FARS2: variants seen among roughly 807,000 people sequenced by gnomAD.
The protein encoded by FARS2 is phenylalanine--tRNA ligase, mitochondrial.
Under a neutral mutation model 46.4 loss-of-function variants are expected in FARS2, and 40 were observed. The observed-to-expected ratio is 0.86, with a 90% CI of 0.67 to 1.12. The LOEUF (loss-of-function observed/expected upper bound fraction) is 1.12, where lower values mean the gene tolerates loss of function less well. FARS2 is among the 50% of genes most tolerant of loss of function. The pLI is 0.00. For missense variants in FARS2, 513 were observed against 567.9 expected (o/e 0.90, Z 0.98); for synonymous variants, 234 against 214.9 (o/e 1.09, Z -0.78).
At chr6:5,577,053 T>C (rs763487874) in intron 5 of FARS2, among the ~76,000 whole-genome samples, 1 of 148,452 alleles carries the variant, frequency 6.7e-6, no homozygotes, top group Non-Finnish European at 1.5e-5. Context: ...AGACATTTCA[T>C]GTATATAAAT....
chr6:5,584,254 C>T (rs1327405654), intron 5 of FARS2, among the ~76,000 whole-genome samples: 2 of 152,100 alleles, frequency 1.3e-5, no homozygotes, highest in African/African-American at 4.8e-5. Flanking sequence ...CTACACTCTT[C>T]CTTTTAGTTT....
At chr6:5,534,164 T>C (rs528693588) in intron 4 of FARS2, among the ~76,000 whole-genome samples, 1 of 152,280 alleles carries the variant, frequency 6.6e-6, no homozygotes, top group Admixed American at 6.5e-5. Flanking sequence ...GATGTGGTGA[T>C]GAGAAAAAAT....
chr6:5,250,990 C>A, the FARS2 span, among the ~76,000 whole-genome samples: 1 of 152,178 alleles, frequency 6.6e-6, no homozygotes, highest in Non-Finnish European at 1.5e-5. Flanking sequence ...GTCTCCTCAG[C>A]CCCAGTACAT....
At chr6:5,307,393 G>A (rs531359773) in intron 1 of FARS2, among the ~76,000 whole-genome samples, 110 of 152,194 alleles carry the variant, frequency 7.2e-4, no homozygotes, top group African/African-American at 2.5e-3. Flanking sequence ...GGCTTTTTGT[G>A]CATTAGTTCT....
chr6:5,252,536 C>T, the FARS2 span, among the ~76,000 whole-genome samples: 6 of 152,216 alleles, frequency 3.9e-5, no homozygotes, highest in South Asian at 1.0e-3. Context: ...GCTCTTCCAT[C>T]GCATGTCCAC....
At chr6:5,481,977 G>C (rs141248585) in intron 4 of FARS2, among the ~76,000 whole-genome samples, 162 of 152,308 alleles carry the variant, frequency 1.1e-3, no homozygotes, top group Non-Finnish European at 1.8e-3. Flanking sequence ...GTTCATCAGA[G>C]GCTTTCTTGA....
At chr6:5,359,655 T>C (rs1172761184) in intron 1 of FARS2, among the ~76,000 whole-genome samples, 1 of 152,274 alleles carries the variant, frequency 6.6e-6, no homozygotes, top group African/African-American at 2.4e-5. Flanking sequence ...GGAAGCCATG[T>C]GCCCCGGGCA....
intron 4 of FARS2, among the ~76,000 whole-genome samples, chr6:5,472,540 T>C (rs1443399139): frequency 6.6e-6 from 1 of 152,204 alleles, no homozygotes; most frequent in Non-Finnish European, 1.5e-5. Context: ...TTAATCACGG[T>C]TTGATTAATC....
intron 1 of FARS2, among the ~76,000 whole-genome samples, chr6:5,277,119 A>G (rs908942703): frequency 1.3e-5 from 2 of 152,198 alleles, no homozygotes; most frequent in Non-Finnish European, 2.9e-5. Context: ...CTGAAGAAGA[A>G]GCTGAATGAA....
rs113588599 is a variant in FARS2 at position 5,598,074 on chromosome 6, A to G, written c.1066-15095A>G. Among the ~76,000 whole-genome samples the G allele has an allele frequency of 2.5e-3, 374 of 152,136 alleles. 3 individuals are homozygous for G. Among genetic ancestry groups the G allele is most frequent in the African/African-American group, 8.7e-3 (361 of 41,518 alleles). On this transcript the variant is annotated intron_variant, in intron 5 of 6. Coordinates refer to ENST00000274680, the MANE Select transcript of FARS2 (RefSeq NM_006567.5). ...ACCCCTTTCCTTGCCCAGAGCAACTATGATGTTTTCTCTTAAAAATTTAGG... is the reference window on the plus strand; with the variant it reads ...ACCCCTTTCCTTGCCCAGAGCAACTGTGATGTTTTCTCTTAAAAATTTAGG...
intron 1 of FARS2, among the ~76,000 whole-genome samples, chr6:5,310,764 G>GTT (rs1239985732): frequency 6.6e-6 from 1 of 152,160 alleles, no homozygotes; most frequent in Non-Finnish European, 1.5e-5. Flanking sequence ...CTACCAAAAC[G>GTT]TAAGGTCCAT....
chr6:5,402,042 T>A (rs1180291404), intron 2 of FARS2, among the ~76,000 whole-genome samples: 4 of 151,992 alleles, frequency 2.6e-5, no homozygotes, highest in African/African-American at 9.7e-5. Context: ...TAAATGTAAT[T>A]CCTTCTTTGC....
At chr6:5,535,435 A>T (rs1182605827) in intron 4 of FARS2, among the ~76,000 whole-genome samples, 1 of 152,190 alleles carries the variant, frequency 6.6e-6, no homozygotes, top group Non-Finnish European at 1.5e-5. Flanking sequence ...CTACATATAA[A>T]ATTATGTCAT....
chr6:5,748,184 T>C (rs1305387738), intron 6 of FARS2, among the ~76,000 whole-genome samples: 1 of 152,190 alleles, frequency 6.6e-6, no homozygotes, highest in African/African-American at 2.4e-5. Flanking sequence ...AGGAATCTGC[T>C]TCCTGAGGCT....
intron 1 of FARS2, among the ~76,000 whole-genome samples, chr6:5,366,011 T>G (rs1272505776): frequency 6.6e-6 from 1 of 151,614 alleles, no homozygotes; most frequent in Non-Finnish European, 1.5e-5. Context: ...GTAGAAGAGA[T>G]AGGGGAGGCG....
chr6:5,428,572 A>G (rs1480633079), intron 3 of FARS2, among the ~76,000 whole-genome samples: 1 of 152,184 alleles, frequency 6.6e-6, no homozygotes, highest in East Asian at 1.9e-4. Context: ...AAAAAGAAAG[A>G]TAGAAATTAT....
Position 5,437,858 on chromosome 6 carries a change from A to G in FARS2, c.904+6686A>G, listed in dbSNP as rs188052380. On this transcript the variant is annotated intron_variant, in intron 4 of 6. Transcript: ENST00000274680. ...TTCCCATTTCTCTTGCTGTTCCTTT[A>G]TTCCTGAAAATACATGTTTCCTTCT... is the stretch of plus-strand genomic sequence containing the variant. Among the ~76,000 whole-genome samples the G allele has an allele frequency of 1.8e-4, 27 of 152,136 alleles. No homozygotes were observed. The East Asian group carries it at 2.3e-3, about 13-fold the overall frequency.
intron 5 of FARS2, among the ~76,000 whole-genome samples, chr6:5,606,403 C>G (rs911480190): frequency 6.6e-6 from 1 of 151,794 alleles, no homozygotes; most frequent in Non-Finnish European, 1.5e-5. Context: ...AAACATGAAG[C>G]TAGAATTTTG....
In FARS2 at chr6:5,530,511, A is replaced by G. The variant is rs572624496; in HGVS notation, c.905-14669A>G. ...TGGGGTTATTGCATCCATGTGAAATATCCTGAATTTGATAACTGTACTATG... is the reference window on the plus strand; with the variant it reads ...TGGGGTTATTGCATCCATGTGAAATGTCCTGAATTTGATAACTGTACTATG... On this transcript the variant is annotated intron_variant, in intron 4 of 6. Transcript: ENST00000274680. 8.6e-4 allele frequency among the ~76,000 whole-genome samples: 131 copies of G among 152,138 alleles called. 1 individual carries two copies. Among genetic ancestry groups the G allele is most frequent in the African/African-American group, 3.1e-3 (129 of 41,524 alleles).
Sources: allele counts gnomAD v4.1 joint callset (sites outside exome capture counted in the v4.1 genomes callset), GRCh38; gene constraint gnomAD v4.1.1; transcripts MANE v1.5; gene names NCBI Gene and HGNC (gene_info 2026-07-23, HGNC 2026-07-21).